COG5: variants seen among roughly 807,000 people sequenced by gnomAD.
COG5 encodes the protein component of oligomeric golgi complex 5.
Under a neutral mutation model 110.4 loss-of-function variants are expected in COG5, and 86 were observed. The observed-to-expected ratio is 0.78, with a 90% CI of 0.65 to 0.93. The LOEUF (loss-of-function observed/expected upper bound fraction) is 0.93. COG5 is among the 40% of genes least tolerant of loss of function. COG5 has a pLI of 0.00. For missense variants in COG5, 1,077 were observed against 987.0 expected (o/e 1.09, Z -1.22); for synonymous variants, 360 against 334.6 (o/e 1.08, Z -0.83).
intron 10 of COG5, among the ~76,000 whole-genome samples, chr7:107,337,841 AATAC>A (rs1810836553): frequency 6.6e-6 from 1 of 152,168 alleles, no homozygotes; most frequent in Non-Finnish European, 1.5e-5. Context: ...TGAGGAGATG[AATAC>A]CCTAAATACC....
intron 7 of COG5, among the ~76,000 whole-genome samples, chr7:107,407,885 T>C (rs1274571650): frequency 2.0e-5 from 3 of 152,156 alleles, no homozygotes; most frequent in Non-Finnish European, 4.4e-5. Context: ...TGTAGCAAGA[T>C]GGCAAAAAGC....
At position 107,466,148 on chromosome 7, in the gene COG5, CAATAA is replaced by C. The variant is rs151147483; in HGVS notation, c.539-53521_539-53517del. Among the ~76,000 whole-genome samples, 267 of 152,036 alleles carry C rather than the reference CAATAA, an allele frequency of 1.8e-3. 4 individuals carry two copies. In the East Asian group the frequency reaches 0.027, roughly 15 times the overall value. On this transcript the variant is annotated intron_variant, in intron 6 of 21. Coordinates refer to ENST00000297135, the MANE Select transcript of COG5 (RefSeq NM_006348.5). Reference sequence around the variant, plus strand: ...TGATGAAAATATAAGAGAAAAACATCAATAAAATCCATAATATTTAGGAAGGCAAA... The same window carrying C: ...TGATGAAAATATAAGAGAAAAACATCAATCCATAATATTTAGGAAGGCAAA...
At chr7:107,350,867 C>T (rs1425116749) in intron 10 of COG5, among the ~76,000 whole-genome samples, 1 of 152,126 alleles carries the variant, frequency 6.6e-6, no homozygotes, top group East Asian at 1.9e-4. Context: ...TCAAGACAAC[C>T]CCATCTTGTG....
intron 6 of COG5, among the ~76,000 whole-genome samples, chr7:107,456,564 A>C (rs764644170): frequency 2.0e-5 from 3 of 152,220 alleles, no homozygotes; most frequent in Non-Finnish European, 2.9e-5. Flanking sequence ...TGAAGGGACA[A>C]ATTTGAGTTA....
intron 16 of COG5, among the ~76,000 whole-genome samples, chr7:107,251,553 C>T (rs975447539): frequency 5.9e-5 from 9 of 152,096 alleles, no homozygotes; most frequent in Admixed American, 4.6e-4. Flanking sequence ...AATTAGAAAT[C>T]AGTAACAAGA....
intron 7 of COG5, among the ~76,000 whole-genome samples, chr7:107,385,520 C>T (rs1218491241): frequency 2.0e-5 from 3 of 152,134 alleles, no homozygotes; most frequent in Non-Finnish European, 4.4e-5. Context: ...AAATATTATT[C>T]AGCCTTTAAA....
intron 17 of COG5, among the ~76,000 whole-genome samples, chr7:107,242,206 TA>T (rs1429953239): frequency 6.6e-6 from 1 of 152,126 alleles, no homozygotes. Context: ...AACATCCAGG[TA>T]CTCAGGGACT....
chr7:107,449,393 C>T (rs1283875730), intron 6 of COG5, among the ~76,000 whole-genome samples: 1 of 152,210 alleles, frequency 6.6e-6, no homozygotes, highest in Non-Finnish European at 1.5e-5. Context: ...TACTGTACTA[C>T]TGTAACAATT....
Position 107,547,508 on chromosome 7 carries a change from C to A in COG5, c.417+603G>T, listed in dbSNP as rs192550061. Reference sequence around the variant, plus strand: ...CCACTACTATTCATCAACATAGCCACTGGAAGTCCTGGCCAGAGCCATTAG... The same window carrying A: ...CCACTACTATTCATCAACATAGCCAATGGAAGTCCTGGCCAGAGCCATTAG... On this transcript the variant is annotated intron_variant, in intron 5 of 21. Coordinates refer to ENST00000297135, the MANE Select transcript of COG5 (RefSeq NM_006348.5). 7.9e-5 allele frequency among the ~76,000 whole-genome samples: 12 copies of A among 152,290 alleles called. No individual in the cohort carries two copies. The East Asian group carries it at 2.3e-3, about 29-fold the overall frequency.
In COG5 at chr7:107,560,877, A is replaced by G. The variant is rs186777389; in HGVS notation, c.95-2762T>C. On this transcript the variant is annotated intron_variant, in intron 1 of 21. Coordinates refer to ENST00000297135, the MANE Select transcript of COG5 (RefSeq NM_006348.5). ...AAAATATAGTTTTATAATTCAGAAG[A>G]CAGGTAAGGAGCATACTGAAACCAC... Among the ~76,000 whole-genome samples, 715 of 152,276 alleles carry G rather than the reference A, an allele frequency of 4.7e-3. 4 individuals are homozygous for G. Among genetic ancestry groups the G allele is most frequent in the Non-Finnish European group, 7.2e-3 (493 of 68,020 alleles).
intron 21 of COG5, 181 bp downstream of exon 21, chr7:107,210,345 T>C (rs1243019678): frequency 7.0e-7 from 1 of 1,435,000 alleles, no homozygotes; most frequent in Non-Finnish European, 9.1e-7. Context: ...AAAGATGTTG[T>C]GGCCAACATT....
intron 18 of COG5, 106 bp downstream of exon 18, chr7:107,236,344 T>C: frequency 1.1e-6 from 1 of 870,044 alleles, no homozygotes. Context: ...CTTACTTTTC[T>C]TTGTGCTGCA....
At chr7:107,550,035 C>T (rs762383695) in intron 3 of COG5, among the ~76,000 whole-genome samples, 7 of 152,198 alleles carry the variant, frequency 4.6e-5, no homozygotes, top group Admixed American at 6.5e-5. Flanking sequence ...TGTACTGTTA[C>T]ATCAAATGTA....
chr7:107,214,730 T>C (rs1364376052), intron 19 of COG5, among the ~76,000 whole-genome samples: 2 of 152,116 alleles, frequency 1.3e-5, no homozygotes, highest in Admixed American at 1.3e-4. Flanking sequence ...CAGACCAGCC[T>C]GGTCAACATG....
chr7:107,260,897 A>T (rs1353764550), intron 14 of COG5, among the ~76,000 whole-genome samples: 1 of 152,074 alleles, frequency 6.6e-6, no homozygotes, highest in Non-Finnish European at 1.5e-5. Flanking sequence ...ATAGTTAGCT[A>T]AGTGGATGAC....
chr7:107,415,950 A>G (rs1283576873), intron 6 of COG5, among the ~76,000 whole-genome samples: 13 of 106,278 alleles, frequency 1.2e-4, no homozygotes, highest in East Asian at 2.6e-4. Flanking sequence ...GTATGTATGT[A>G]TGTGTGTGTA....
intron 8 of COG5, among the ~76,000 whole-genome samples, chr7:107,366,507 A>G (rs1813633120): frequency 6.6e-6 from 1 of 152,146 alleles, no homozygotes; most frequent in South Asian, 2.1e-4. Context: ...ACTTTAACAC[A>G]CATACACACA....
At chr7:107,288,907 G>GAGAGAT (rs1805886225) in intron 12 of COG5, among the ~76,000 whole-genome samples, 2 of 94,148 alleles carry the variant, frequency 2.1e-5, no homozygotes. Context: ...TTCTAACAGA[G>GAGAGAT]ATATATATAT....
At chr7:107,498,410 G>A (rs1798413532) in intron 6 of COG5, among the ~76,000 whole-genome samples, 1 of 151,830 alleles carries the variant, frequency 6.6e-6, no homozygotes, top group Non-Finnish European at 1.5e-5. Flanking sequence ...AACGTATAAG[G>A]GACTTTACAA....
Sources: allele counts gnomAD v4.1 joint callset (sites outside exome capture counted in the v4.1 genomes callset), GRCh38; gene constraint gnomAD v4.1.1; transcripts MANE v1.5; gene names NCBI Gene and HGNC (gene_info 2026-07-23, HGNC 2026-07-21).